Variants in ZNF322 observed in about 807,000 individuals in gnomAD.
The protein encoded by ZNF322 is HLA complex group 12.
ZNF322 carries 1 observed loss-of-function variant against 18.3 expected under a neutral mutation model. The observed-to-expected ratio is 0.05, with a 90% CI of 0.02 to 0.26. ZNF322 has a LOEUF of 0.26. Ranked by LOEUF, ZNF322 falls within the 10% of genes least tolerant of loss-of-function variation. The pLI is 1.00. For synonymous variants in ZNF322, 17 were observed against 130.7 expected (o/e 0.13, Z 5.93); for missense variants, 36 against 403.6 (o/e 0.09, Z 7.80).
At chr6:26,656,284 C>T (rs1554149680) in intron 2 of ZNF322, among the ~76,000 whole-genome samples, 1 of 152,194 alleles carries the variant, frequency 6.6e-6, no homozygotes, top group Non-Finnish European at 1.5e-5. Flanking sequence ...TTTCCTTCAA[C>T]TTCAATATTC....
At chr6:26,648,349 G>A (rs76126747) in intron 2 of ZNF322, among the ~76,000 whole-genome samples, 4,019 of 152,134 alleles carry the variant, frequency 0.026, 103 homozygotes, top group African/African-American at 0.075. Context: ...CCTTCATCCA[G>A]TACCTTAAGT....
At chr6:26,649,923 G>A (rs912252833) in intron 2 of ZNF322, among the ~76,000 whole-genome samples, 2 of 150,884 alleles carry the variant, frequency 1.3e-5, no homozygotes, top group African/African-American at 2.4e-5. Flanking sequence ...GGTTGATCTC[G>A]AACTCCCGAC....
At chr6:26,651,181 A>AT (rs1554149152) in intron 2 of ZNF322, among the ~76,000 whole-genome samples, 1 of 152,084 alleles carries the variant, frequency 6.6e-6, no homozygotes, top group African/African-American at 2.4e-5. Flanking sequence ...AACAAAGGCA[A>AT]TAAATACAAG....
intron 3 of ZNF322, among the ~76,000 whole-genome samples, chr6:26,642,685 C>T (rs192792962): frequency 3.6e-4 from 55 of 152,260 alleles, no homozygotes; most frequent in Non-Finnish European, 7.2e-4. Context: ...AAGCATTACT[C>T]CTATTTTCTT....
intron 2 of ZNF322, among the ~76,000 whole-genome samples, chr6:26,654,589 A>G (rs13210025): frequency 1.3e-5 from 2 of 152,022 alleles, no homozygotes; most frequent in Non-Finnish European, 2.9e-5. Flanking sequence ...GAACATTGAA[A>G]TAAGTAATAA....
intron 2 of ZNF322, among the ~76,000 whole-genome samples, chr6:26,656,863 A>G (rs1765781272): frequency 6.6e-6 from 1 of 152,138 alleles, no homozygotes; most frequent in Non-Finnish European, 1.5e-5. Flanking sequence ...GAAAAAAAAA[A>G]CTGAATAAAT....
At chr6:26,653,223 T>C (rs1236827549) in intron 2 of ZNF322, among the ~76,000 whole-genome samples, 1 of 152,200 alleles carries the variant, frequency 6.6e-6, no homozygotes, top group Non-Finnish European at 1.5e-5. Context: ...TGACAATGCA[T>C]TTTGCGGTCA....
intron 3 of ZNF322, among the ~76,000 whole-genome samples, chr6:26,642,639 C>T (rs1404544527): frequency 2.0e-5 from 3 of 152,266 alleles, no homozygotes; most frequent in Non-Finnish European, 2.9e-5. Context: ...ACTCTGTCAC[C>T]GTCATAATCT....
chr6:26,658,924 TTTG>T (rs1442262749), intron 1 of ZNF322: 3 of 152,222 alleles, frequency 2.0e-5, no homozygotes, highest in Non-Finnish European at 2.9e-5. Context: ...TCGTTTTTCG[TTTG>T]TTTTTTCTCC....
At chr6:26,644,106 A>G (rs181529424) in intron 2 of ZNF322, among the ~76,000 whole-genome samples, 2 of 152,218 alleles carry the variant, frequency 1.3e-5, no homozygotes, top group Non-Finnish European at 2.9e-5. Context: ...TTTTGGGATT[A>G]TAACAAAATT....
At chr6:26,654,790 G>A (rs913769818) in intron 2 of ZNF322, among the ~76,000 whole-genome samples, 1 of 151,886 alleles carries the variant, frequency 6.6e-6, no homozygotes, top group Non-Finnish European at 1.5e-5. Flanking sequence ...AATTTTATGA[G>A]AATCAAGATA....
At chr6:26,654,159 A>G (rs1765722357) in intron 2 of ZNF322, among the ~76,000 whole-genome samples, 1 of 152,206 alleles carries the variant, frequency 6.6e-6, no homozygotes, top group South Asian at 2.1e-4. Flanking sequence ...GAAGGCTACA[A>G]ACAGAAAAGA....
At chr6:26,643,875 TAG>T (rs1244915007) in intron 2 of ZNF322, 147 bp from the exon 3 acceptor site, 5 of 152,242 alleles carry the variant, frequency 3.3e-5, no homozygotes, top group Non-Finnish European at 5.9e-5. Flanking sequence ...TTCAATTCTG[TAG>T]AGTCTTAAAT....
rs1223510082 is a variant in ZNF322 at position 26,636,727 on chromosome 6, C to T, written c.*618G>A. ...CATTGACAAGCACTCTTCATTCAGA[C>T]ACTTGCAGTCTTTCCTCAGATTGGG... On this transcript the variant is annotated 3_prime_UTR_variant, in exon 4 of 4. Transcript: ENST00000415922. 1.0e-5 allele frequency: 1 copy of T among 98,134 alleles called. No individual in the cohort carries two copies. The highest frequency in any genetic ancestry group is 2.1e-5 in the Non-Finnish European group (1 of 47,904). 6.1% of individuals were successfully genotyped at this position (98,134 alleles called of 1,614,324 possible). A position where few individuals can be genotyped will look rare whatever the true frequency, so the allele number is the denominator to read the frequency against.
chr6:26,653,336 T>C (rs2113674266), intron 2 of ZNF322, among the ~76,000 whole-genome samples: 1 of 152,306 alleles, frequency 6.6e-6, no homozygotes. Flanking sequence ...AAACTAGATA[T>C]ACATTTACTT....
At chr6:26,644,891 G>A (rs1554148586) in intron 2 of ZNF322, among the ~76,000 whole-genome samples, 1 of 152,090 alleles carries the variant, frequency 6.6e-6, no homozygotes, top group Non-Finnish European at 1.5e-5. Context: ...ATGTAAACAT[G>A]TGCTATACCT....
chr6:26,646,529 G>C (rs992504816), intron 2 of ZNF322, among the ~76,000 whole-genome samples: 1 of 151,772 alleles, frequency 6.6e-6, no homozygotes, highest in Admixed American at 6.6e-5. Flanking sequence ...CATTTACAAA[G>C]GAAAAACAGA....
chr6:26,648,574 A>G (rs558530251), intron 2 of ZNF322, among the ~76,000 whole-genome samples: 2 of 152,348 alleles, frequency 1.3e-5, no homozygotes, highest in East Asian at 3.9e-4. Context: ...CTCAAATGAT[A>G]AAGGAATTCA....
intron 2 of ZNF322, among the ~76,000 whole-genome samples, 167 bp from the exon 3 acceptor site, chr6:26,643,895 T>A (rs1310149048): frequency 2.0e-5 from 3 of 152,222 alleles, no homozygotes; most frequent in Non-Finnish European, 4.4e-5. Flanking sequence ...AATCATCCCA[T>A]ATGACTCTTT....
Sources: gnomAD v4.1 joint callset for allele counts (sites outside exome capture counted in the v4.1 genomes callset) on GRCh38, gnomAD v4.1.1 for gene constraint, MANE v1.5 for transcripts, NCBI Gene and HGNC (gene_info 2026-07-23, HGNC 2026-07-21) for gene names.